PLBD1: variants seen among roughly 807,000 people sequenced by gnomAD.
PLBD1 encodes the protein lysosomal leucine aminopeptidase.
A neutral mutation model predicts 63.0 loss-of-function variants in PLBD1; 60 were observed. That is an observed-to-expected ratio of 0.95 (90% CI 0.77 to 1.18). The LOEUF is 1.18. PLBD1 is among the 50% of genes most tolerant of loss of function. PLBD1 has a pLI of 0.00. For missense variants in PLBD1, 598 were observed against 677.9 expected (o/e 0.88, Z 1.31); for synonymous variants, 262 against 248.0 (o/e 1.06, Z -0.53).
intron 1 of PLBD1, among the ~76,000 whole-genome samples, chr12:14,562,640 T>C (rs1271321080): frequency 6.6e-6 from 1 of 152,176 alleles, no homozygotes; most frequent in Non-Finnish European, 1.5e-5. Context: ...TTAACACATT[T>C]TCTAGTCACA....
At chr12:14,514,122 A>G (rs1335626875) in intron 6 of PLBD1, among the ~76,000 whole-genome samples, 2 of 152,178 alleles carry the variant, frequency 1.3e-5, no homozygotes, top group African/African-American at 4.8e-5. Context: ...CCATTAAGCT[A>G]TAGAGAGCTT....
chr12:14,520,125 C>T (rs7974572), intron 6 of PLBD1, among the ~76,000 whole-genome samples: 152,258 of 152,344 alleles, frequency 1, 76,086 homozygotes, highest in Middle Eastern at 1. Context: ...TGTTCTAGAA[C>T]TGAGATAGGT....
Position 14,503,921 on chromosome 12 carries a change from A to ATG in PLBD1, c.1511_1512dup (p.Ser505HisfsTer5). The ATG allele has an allele frequency of 6.2e-7, 1 of 1,613,972 alleles. No homozygotes were observed. Among genetic ancestry groups the ATG allele is most frequent in the Non-Finnish European group, 8.5e-7 (1 of 1,179,912 alleles). Reference sequence around the variant, plus strand: ...ACTGTGGGACCACTTATGGCATAGGATGTGTACTGAGATGCTAGGTAGATA... The same window carrying ATG: ...ACTGTGGGACCACTTATGGCATAGGATGTGTGTACTGAGATGCTAGGTAGATA... On this transcript the variant is annotated frameshift_variant, in exon 11 of 11. Transcript: ENST00000240617. LOFTEE classifies it high-confidence loss of function.
intron 6 of PLBD1, among the ~76,000 whole-genome samples, chr12:14,525,164 A>T (rs1179831587): frequency 6.6e-6 from 1 of 152,212 alleles, no homozygotes; most frequent in Non-Finnish European, 1.5e-5. Flanking sequence ...TGGGAGGCTG[A>T]GGCAGGAGAA....
At chr12:14,504,778 C>T (rs1206944184) in intron 10 of PLBD1, among the ~76,000 whole-genome samples, 2 of 152,202 alleles carry the variant, frequency 1.3e-5, no homozygotes, top group East Asian at 3.8e-4. Flanking sequence ...AGCAGTGGGT[C>T]TTAATCTTAG....
In PLBD1 at chr12:14,511,599, A is replaced by G. The variant is rs530851260; in HGVS notation, c.957T>C (p.Thr319=). ...CACGGACTCTTTGCCAGGACAGGAG[A>G]GTCTCGGGTATTACCTGCTTTAGCA... ...KTLLKQVIPE[T]LLSWQRVRVA... Residue 319 remains threonine (T), a synonymous_variant, in exon 7 of 11, where the codon ACT becomes ACC. Coordinates refer to ENST00000240617, the MANE Select transcript of PLBD1 (RefSeq NM_024829.6). 2 of 1,614,208 alleles carry G rather than the reference A, an allele frequency of 1.2e-6. No homozygotes were observed. The highest frequency in any genetic ancestry group is 2.7e-5 in the African/African-American group (2 of 75,056).
chr12:14,537,228 C>T lies in PLBD1; in HGVS notation c.559-518G>A, dbSNP rs1592003218. Among the ~76,000 whole-genome samples, 3 of 152,066 alleles carry T rather than the reference C, an allele frequency of 2.0e-5. No individual in the cohort carries two copies. In the South Asian group the frequency reaches 6.2e-4, roughly 32 times the overall value. On this transcript the variant is annotated intron_variant, in intron 4 of 10. Transcript: ENST00000240617. Reference sequence around the variant, plus strand: ...AGCTGTTTTGGCATGTTTTGATAGCCCCAGAATTTGGGAGTGGCTCCTTGG... The same window carrying T: ...AGCTGTTTTGGCATGTTTTGATAGCTCCAGAATTTGGGAGTGGCTCCTTGG...
intron 6 of PLBD1, among the ~76,000 whole-genome samples, chr12:14,515,036 C>T (rs866970156): frequency 9.9e-5 from 15 of 152,012 alleles, no homozygotes; most frequent in Non-Finnish European, 2.2e-4. Flanking sequence ...GAAACACTTC[C>T]GGTTAATAAA....
At chr12:14,512,162 T>C (rs1945303426) in intron 6 of PLBD1, among the ~76,000 whole-genome samples, 1 of 151,958 alleles carries the variant, frequency 6.6e-6, no homozygotes, top group South Asian at 2.1e-4. Flanking sequence ...CTTTTTTTTT[T>C]TTTTTGACAC....
chr12:14,564,821 T>C (rs905273916), intron 1 of PLBD1, among the ~76,000 whole-genome samples: 1 of 152,144 alleles, frequency 6.6e-6, no homozygotes, highest in Non-Finnish European at 1.5e-5. Context: ...CCTAAAAGAA[T>C]GTCTGCAGAG....
intron 1 of PLBD1, chr12:14,553,641 T>A (rs987404495): frequency 1.7e-5 from 10 of 574,808 alleles, no homozygotes; most frequent in Non-Finnish European, 3.1e-5. Flanking sequence ...GGTGGGGGTG[T>A]AGCTACAGCA....
At chr12:14,532,322 AG>A (rs1401429046) in intron 6 of PLBD1, among the ~76,000 whole-genome samples, 1 of 152,196 alleles carries the variant, frequency 6.6e-6, no homozygotes, top group Non-Finnish European at 1.5e-5. Context: ...GCCCGCCCCA[AG>A]GACTGACCGA....
chr12:14,517,860 T>G (rs148913225), intron 6 of PLBD1, among the ~76,000 whole-genome samples: 1 of 152,324 alleles, frequency 6.6e-6, no homozygotes, highest in Non-Finnish European at 1.5e-5. Context: ...CTTGTTAGGT[T>G]TTTATGAACA....
At position 14,567,722 on chromosome 12, in the gene PLBD1, G is replaced by C. The variant is rs1945806675; in HGVS notation, c.-26C>G. 2 of 1,393,476 alleles carry C rather than the reference G, an allele frequency of 1.4e-6. No individual in the cohort carries two copies. The highest frequency in any genetic ancestry group is 3.2e-5 in the South Asian group (2 of 62,488). 86.3% of individuals were successfully genotyped at this position (1,393,476 alleles called of 1,614,324 possible). A position where few individuals can be genotyped will look rare whatever the true frequency, so the allele number is the denominator to read the frequency against. On this transcript the variant is annotated 5_prime_UTR_variant, in exon 1 of 11. Transcript: ENST00000240617. ...CGCTCCACGGCCGCGACCTTCCTCT[G>C]CGGGATCAGGCGGCCGCGGTGGCCC... is the stretch of plus-strand genomic sequence containing the variant.
chr12:14,534,662 G>C (rs1048025392), intron 6 of PLBD1, among the ~76,000 whole-genome samples: 1 of 151,472 alleles, frequency 6.6e-6, no homozygotes, highest in African/African-American at 2.4e-5. Context: ...TCTCGCCTCA[G>C]CCTCCAGAGT....
chr12:14,507,228 C>A, intron 8 of PLBD1, 110 bp from the exon 9 acceptor site: 1 of 829,134 alleles, frequency 1.2e-6, no homozygotes, highest in Non-Finnish European at 1.9e-6. Context: ...AAAATGGGCA[C>A]AGGCATTTAA....
intron 2 of PLBD1, among the ~76,000 whole-genome samples, chr12:14,544,456 G>A (rs977592290): frequency 6.6e-6 from 1 of 152,148 alleles, no homozygotes; most frequent in Non-Finnish European, 1.5e-5. Context: ...TTATAGGAGT[G>A]AGCCACTGCA....
intron 6 of PLBD1, among the ~76,000 whole-genome samples, chr12:14,532,755 T>G (rs539780057): frequency 1.3e-5 from 2 of 152,280 alleles, no homozygotes; most frequent in South Asian, 4.1e-4. Context: ...TCTGCCACCT[T>G]GGTCAGTCTT....
intron 2 of PLBD1, among the ~76,000 whole-genome samples, chr12:14,546,281 G>A (rs1462554053): frequency 6.1e-5 from 9 of 148,410 alleles, no homozygotes; most frequent in Non-Finnish European, 8.9e-5. Flanking sequence ...TCATGACACC[G>A]CACTCCAGCC....
Sources: gnomAD v4.1 joint callset for allele counts (sites outside exome capture counted in the v4.1 genomes callset) on GRCh38, gnomAD v4.1.1 for gene constraint, MANE v1.5 for transcripts, NCBI Gene and HGNC (gene_info 2026-07-23, HGNC 2026-07-21) for gene names.